The following AADACL4 variants were observed in gnomAD, a reference collection of about 807,000 sequenced individuals.
The protein encoded by AADACL4 is arylacetamide deacetylase like 4, also known as arylacetamide deacetylase-like 4.
In AADACL4, 9 loss-of-function variants were observed where a neutral mutation model predicts 14.1. The observed-to-expected ratio is 0.64, with a 90% CI of 0.39 to 1.12. AADACL4 has a LOEUF of 1.12. AADACL4 is among the 50% of genes most tolerant of loss of function. The probability of loss-of-function intolerance (pLI) is 0.01; values close to 1 mark genes in which losing one functional copy is unlikely to be tolerated. For synonymous variants in AADACL4, 188 were observed against 201.6 expected (o/e 0.93, Z 0.57); for missense variants, 531 against 516.1 (o/e 1.03, Z -0.28).
intron 3 of AADACL4, among the ~76,000 whole-genome samples, chr1:12,663,954 C>T (rs1181359193): frequency 6.6e-6 from 1 of 152,126 alleles, no homozygotes; most frequent in African/African-American, 2.4e-5. Context: ...CCTAGATGGG[C>T]ACTAAATTAT....
At chr1:12,655,111 G>A (rs546443802) in intron 2 of AADACL4, among the ~76,000 whole-genome samples, 8 of 152,154 alleles carry the variant, frequency 5.3e-5, no homozygotes, top group Non-Finnish European at 7.4e-5. Flanking sequence ...GGGACATTCC[G>A]ACATAATTAG....
At chr1:12,653,693 GCTTTGTTTGTGGAGGTCCTAC>G (rs1647163420) in intron 2 of AADACL4, among the ~76,000 whole-genome samples, 1 of 152,188 alleles carries the variant, frequency 6.6e-6, no homozygotes, top group South Asian at 2.1e-4. Context: ...CTAAGTTGCT[GCTTTGTTTGTGGAGGTCCTAC>G]CTTCAAGACT....
rs1240266989 is a variant in AADACL4, at chr1:12,666,069, G to C, written c.558G>C (p.Arg186Ser). The C allele has an allele frequency of 6.2e-7, 1 of 1,614,242 alleles. No homozygotes were observed. Among genetic ancestry groups the C allele is most frequent in the African/African-American group, 1.3e-5 (1 of 75,064 alleles). Residue 186 changes from arginine (R) to serine (S), a missense_variant, in exon 4 of 4, where the codon AGG (arginine) becomes AGC (serine). Coordinates refer to ENST00000376221, the MANE Select transcript of AADACL4 (RefSeq NM_001013630.2). ...ALETYGVDPS[R>S]VVVCGESVGG... The stretch of plus-strand genomic sequence containing the variant: ...AAACCTATGGGGTGGACCCCTCCAG[G>C]GTTGTGGTCTGTGGAGAAAGCGTCG...
intron 3 of AADACL4, among the ~76,000 whole-genome samples, chr1:12,665,426 C>T (rs941027943): frequency 2.0e-5 from 3 of 152,106 alleles, no homozygotes; most frequent in Admixed American, 1.3e-4. Flanking sequence ...GGGGTTTCAC[C>T]GTGTTAGCCA....
In AADACL4 at chr1:12,660,535, G is replaced by A. The variant is rs115180209; in HGVS notation, c.386-1256G>A. ...GGAAGATGACACCCAGGTTGGCCCC[G>A]GGTGTCTAGCAGAGGTCTTTACTTT... is the stretch of plus-strand genomic sequence containing the variant. On this transcript the variant is annotated intron_variant, in intron 2 of 3. Transcript: ENST00000376221. 5.4e-3 allele frequency among the ~76,000 whole-genome samples: 817 copies of A among 152,182 alleles called. 4 individuals carry two copies. The highest frequency in any genetic ancestry group is 8.9e-3 in the Non-Finnish European group (604 of 67,988).
chr1:12,665,842 G>A, intron 3 of AADACL4, 119 bp from the exon 4 acceptor site: 1 of 1,124,046 alleles, frequency 8.9e-7, no homozygotes, highest in Non-Finnish European at 1.3e-6. Flanking sequence ...TTATTTCATA[G>A]GGTTATTCTG....
At chr1:12,647,063 CT>C in intron 1 of AADACL4, among the ~76,000 whole-genome samples, 1 of 150,782 alleles carries the variant, frequency 6.6e-6, no homozygotes, top group Non-Finnish European at 1.5e-5. Context: ...GTTTTTGTGC[CT>C]TTATTTTCTT....
chr1:12,664,399 C>T (rs1180607208), intron 3 of AADACL4, among the ~76,000 whole-genome samples: 1 of 150,356 alleles, frequency 6.7e-6, no homozygotes, highest in Admixed American at 6.6e-5. Context: ...GATGGAGTCT[C>T]ACTCTCTCCC....
intron 2 of AADACL4, among the ~76,000 whole-genome samples, chr1:12,656,458 T>C (rs1647179476): frequency 6.6e-6 from 1 of 152,142 alleles, no homozygotes; most frequent in Admixed American, 6.5e-5. Flanking sequence ...CATCTGAACA[T>C]TTACCACCAG....
At chr1:12,663,256 T>C (rs1647258841) in intron 3 of AADACL4, among the ~76,000 whole-genome samples, 1 of 152,198 alleles carries the variant, frequency 6.6e-6, no homozygotes, top group South Asian at 2.1e-4. Context: ...TGGGCTGCTG[T>C]AACAAATTAC....
intron 2 of AADACL4, among the ~76,000 whole-genome samples, chr1:12,655,760 T>C (rs1647176541): frequency 6.6e-6 from 1 of 151,976 alleles, no homozygotes; most frequent in African/African-American, 2.4e-5. Flanking sequence ...TCCCTATTAT[T>C]GAATATCCCA....
intron 1 of AADACL4, among the ~76,000 whole-genome samples, chr1:12,646,218 G>C (rs933668730): frequency 1.3e-5 from 2 of 152,234 alleles, no homozygotes; most frequent in African/African-American, 4.8e-5. Flanking sequence ...ATAAGGAACA[G>C]AGACAGCAGC....
At chr1:12,645,359 C>T (rs1235252434) in intron 1 of AADACL4, among the ~76,000 whole-genome samples, 1 of 149,072 alleles carries the variant, frequency 6.7e-6, no homozygotes, top group African/African-American at 2.5e-5. Context: ...TAACTCCCTT[C>T]CTTTCTTCCT....
At chr1:12,665,367 C>T (rs547161392) in intron 3 of AADACL4, among the ~76,000 whole-genome samples, 47 of 152,208 alleles carry the variant, frequency 3.1e-4, no homozygotes, top group African/African-American at 6.0e-4. Context: ...GGACTATAGG[C>T]GCCCGCCACC....
intron 1 of AADACL4, 127 bp from the exon 2 acceptor site, chr1:12,650,996 C>G (rs963583729): frequency 1.1e-6 from 1 of 876,402 alleles, no homozygotes; most frequent in African/African-American, 1.7e-5. Flanking sequence ...TCCTGAAGAG[C>G]CCCCTGTACC....
chr1:12,648,081 C>T (rs1412130141), intron 1 of AADACL4, among the ~76,000 whole-genome samples: 1 of 152,162 alleles, frequency 6.6e-6, no homozygotes, highest in Non-Finnish European at 1.5e-5. Flanking sequence ...AGCGATTCTC[C>T]TGCCTCAGCC....
chr1:12,647,143 G>A (rs1647116951), intron 1 of AADACL4, among the ~76,000 whole-genome samples: 1 of 150,778 alleles, frequency 6.6e-6, no homozygotes, highest in African/African-American at 2.4e-5. Context: ...ACCCAGGCAG[G>A]AGTGCAGTGG....
At chr1:12,648,683 G>A (rs922751705) in intron 1 of AADACL4, among the ~76,000 whole-genome samples, 8 of 151,476 alleles carry the variant, frequency 5.3e-5, no homozygotes, top group Non-Finnish European at 7.4e-5. Context: ...GATTACAGGC[G>A]TGAGCCACCA....
At chr1:12,648,260 G>A (rs374680904) in intron 1 of AADACL4, among the ~76,000 whole-genome samples, 2 of 152,116 alleles carry the variant, frequency 1.3e-5, no homozygotes, top group African/African-American at 4.8e-5. Flanking sequence ...ATGAGCCACC[G>A]CAGCCGGACT....
Sources: allele counts gnomAD v4.1 joint callset (sites outside exome capture counted in the v4.1 genomes callset), GRCh38; gene constraint gnomAD v4.1.1; transcripts MANE v1.5; gene names NCBI Gene and HGNC (gene_info 2026-07-23, HGNC 2026-07-21).